The following ERBB4 variants were observed in gnomAD, a reference collection of about 807,000 sequenced individuals.
ERBB4 encodes the protein receptor tyrosine-protein kinase erbB-4.
ERBB4 carries 42 observed loss-of-function variants against 158.0 expected under a neutral mutation model. The ratio of observed to expected loss-of-function variants is 0.27; its 90% confidence interval spans 0.21 to 0.34. The LOEUF is 0.34. Ranked by LOEUF, ERBB4 falls within the 10% of genes least tolerant of loss-of-function variation. The pLI, the probability that ERBB4 is intolerant of heterozygous loss-of-function variation, is 1.00. For missense variants in ERBB4, 1,333 were observed against 1,624.1 expected, an observed-to-expected ratio of 0.82 and a Z score of 3.08; for synonymous variants, 583 against 558.7, an observed-to-expected ratio of 1.04 and a Z score of -0.61.
At chr2:212,438,985 T>C (rs975211660) in intron 1 of ERBB4, among the ~76,000 whole-genome samples, 1 of 152,126 alleles carries the variant, frequency 6.6e-6, no homozygotes, top group African/African-American at 2.4e-5. Context: ...ACATGGTGCG[T>C]TTTACAATAA....
chr2:211,843,997 T>C (rs1237855439), intron 3 of ERBB4, among the ~76,000 whole-genome samples: 1 of 152,110 alleles, frequency 6.6e-6, no homozygotes, highest in Non-Finnish European at 1.5e-5. Flanking sequence ...GATTTTGAAC[T>C]AGTTTATTAT....
intron 12 of ERBB4, among the ~76,000 whole-genome samples, chr2:211,690,611 T>C (rs1220654905): frequency 1.3e-5 from 2 of 152,200 alleles, no homozygotes; most frequent in Non-Finnish European, 2.9e-5. Flanking sequence ...AAGTGAAGAT[T>C]GGTTGATCAT....
chr2:211,897,516 T>G (rs929859880), intron 3 of ERBB4, among the ~76,000 whole-genome samples: 1 of 151,858 alleles, frequency 6.6e-6, no homozygotes, highest in African/African-American at 2.4e-5. Flanking sequence ...AAAGCAGACG[T>G]GCAAAATTAG....
Position 211,644,311 on chromosome 2 carries a change from A to T in ERBB4, c.1946+13443T>A, listed in dbSNP as rs974822450. 2.0e-5 allele frequency among the ~76,000 whole-genome samples: 3 copies of T among 152,036 alleles called. No individual in the cohort carries two copies. The South Asian group carries it at 6.2e-4, about 32-fold the overall frequency. On this transcript the variant is annotated intron_variant, in intron 16 of 27. Transcript: ENST00000342788. ...TGTTTAGTAATATAACTCCTTTCTA[A>T]ACTTATATAAACACCCAACCCCTAA...
intron 2 of ERBB4, among the ~76,000 whole-genome samples, chr2:212,080,899 A>T (rs1373527946): frequency 1.3e-5 from 2 of 152,128 alleles, no homozygotes; most frequent in Non-Finnish European, 2.9e-5. Flanking sequence ...TAAATCGAAT[A>T]TTATTTCTGG....
intron 3 of ERBB4, among the ~76,000 whole-genome samples, chr2:211,837,468 A>C (rs1404785107): frequency 3.3e-5 from 5 of 152,162 alleles, no homozygotes; most frequent in African/African-American, 1.2e-4. Context: ...TAAAAGGAAA[A>C]ATTTATAGGC....
intron 16 of ERBB4, among the ~76,000 whole-genome samples, chr2:211,656,132 G>C (rs1240280988): frequency 1.3e-5 from 2 of 152,122 alleles, no homozygotes; most frequent in Admixed American, 6.5e-5. Flanking sequence ...TCTGACCTAT[G>C]GTATTACCAT....
chr2:212,465,902 T>C (rs933327221), intron 1 of ERBB4, among the ~76,000 whole-genome samples: 15 of 152,210 alleles, frequency 9.9e-5, no homozygotes, highest in Admixed American at 4.6e-4. Context: ...TTGAAGTTCT[T>C]CTATTTGAAA....
chr2:212,374,791 G>A (rs1309326098), intron 1 of ERBB4, among the ~76,000 whole-genome samples: 1 of 151,898 alleles, frequency 6.6e-6, no homozygotes, highest in African/African-American at 2.4e-5. Flanking sequence ...TTTGGGGCAA[G>A]AAAATTTTCT....
chr2:212,231,425 C>T (rs1559801199), intron 1 of ERBB4, among the ~76,000 whole-genome samples: 1 of 152,202 alleles, frequency 6.6e-6, no homozygotes, highest in Non-Finnish European at 1.5e-5. Context: ...TTCTTTCCAT[C>T]TTTCATTACT....
At chr2:211,865,235 C>G (rs2078175717) in intron 3 of ERBB4, among the ~76,000 whole-genome samples, 1 of 150,918 alleles carries the variant, frequency 6.6e-6, no homozygotes, top group Admixed American at 6.6e-5. Flanking sequence ...ATAGATATAT[C>G]ATAAAGATTT....
intron 2 of ERBB4, among the ~76,000 whole-genome samples, chr2:212,114,287 C>A (rs1196784256): frequency 6.6e-6 from 1 of 152,166 alleles, no homozygotes; most frequent in Non-Finnish European, 1.5e-5. Flanking sequence ...AAAACCAGAA[C>A]AGAACTTAGC....
chr2:211,884,758 T>C (rs149877476), intron 3 of ERBB4, among the ~76,000 whole-genome samples: 101 of 152,318 alleles, frequency 6.6e-4, no homozygotes, highest in African/African-American at 2.3e-3. Flanking sequence ...TAGCAGCTAA[T>C]ATCTAAACAT....
chr2:212,307,575 C>A (rs994470982), intron 1 of ERBB4, among the ~76,000 whole-genome samples: 3 of 150,470 alleles, frequency 2.0e-5, no homozygotes, highest in Non-Finnish European at 4.5e-5. Context: ...GTAATACAGA[C>A]AAGGTTTTCG....
chr2:211,736,921 T>TA (rs899944120), intron 5 of ERBB4, among the ~76,000 whole-genome samples: 3 of 152,074 alleles, frequency 2.0e-5, no homozygotes, highest in South Asian at 2.1e-4. Flanking sequence ...AATATATTGA[T>TA]AAAAAAATTA....
In ERBB4 at chr2:212,372,699, A is replaced by G. The variant is rs2106387754; in HGVS notation, c.82+165750T>C. On this transcript the variant is annotated intron_variant, in intron 1 of 27. Coordinates refer to ENST00000342788, the MANE Select transcript of ERBB4 (RefSeq NM_005235.3). ...GGGAGGCAGAGGTTGCGGTGAGCCG[A>G]GATTGCACCACTGCACTCCAGCCTG... Among the ~76,000 whole-genome samples, 3 of 152,308 alleles carry G rather than the reference A, an allele frequency of 2.0e-5. No individual in the cohort carries two copies. In the South Asian group the frequency reaches 6.2e-4, roughly 32 times the overall value.
intron 1 of ERBB4, among the ~76,000 whole-genome samples, chr2:212,472,534 TA>T (rs531185412): frequency 3.7e-4 from 55 of 147,946 alleles, no homozygotes; most frequent in Non-Finnish European, 4.7e-4. Flanking sequence ...AGTTCCATAT[TA>T]AAAAAAAAAC....
intron 3 of ERBB4, among the ~76,000 whole-genome samples, chr2:211,875,044 A>AAAC (rs1482144976): frequency 8.2e-4 from 94 of 114,056 alleles, no homozygotes; most frequent in African/African-American, 2.5e-3. Flanking sequence ...AAAAAAAAAA[A>AAAC]AAAAAACAAA....
At chr2:211,474,396 A>C (rs555268625) in intron 20 of ERBB4, among the ~76,000 whole-genome samples, 121 of 152,098 alleles carry the variant, frequency 8.0e-4, no homozygotes, top group Non-Finnish European at 1.4e-3. Context: ...GAATCACATT[A>C]ATGATAAGTG....
Sources: allele counts gnomAD v4.1 joint callset (sites outside exome capture counted in the v4.1 genomes callset), GRCh38; gene constraint gnomAD v4.1.1; transcripts MANE v1.5; gene names NCBI Gene and HGNC (gene_info 2026-07-23, HGNC 2026-07-21).